The following EYS variants were observed in gnomAD, a reference collection of about 807,000 sequenced individuals.
The protein encoded by EYS is protein eyes shut homolog.
A neutral mutation model predicts 282.1 loss-of-function variants in EYS; 250 were observed. The ratio of observed to expected loss-of-function variants is 0.89; its 90% CI spans 0.80 to 0.98. EYS has a LOEUF of 0.98. EYS is among the 50% of genes least tolerant of loss of function. EYS has a pLI of 0.00. For missense variants in EYS, 4,016 were observed against 3,709.0 expected (o/e 1.08, Z -2.15); for synonymous variants, 1,355 against 1,282.9 (o/e 1.06, Z -1.20).
At chr6:64,461,613 TCCA>T in intron 26 of EYS, among the ~76,000 whole-genome samples, 1 of 152,186 alleles carries the variant, frequency 6.6e-6, no homozygotes, top group Non-Finnish European at 1.5e-5. Flanking sequence ...TTCTTTATAC[TCCA>T]GTGACTGTGG....
At chr6:65,426,711 T>C (rs371594515) in intron 5 of EYS, among the ~76,000 whole-genome samples, 13 of 152,168 alleles carry the variant, frequency 8.5e-5, no homozygotes, top group East Asian at 3.9e-4. Context: ...TTTTACTATA[T>C]ACCCTTCTAC....
At chr6:64,840,216 A>G (rs2812791) in intron 19 of EYS, among the ~76,000 whole-genome samples, 85,193 of 151,898 alleles carry the variant, frequency 0.56, 24,597 homozygotes, top group Non-Finnish European at 0.62. Context: ...CTATAAGATT[A>G]TCATGGTGTT....
chr6:64,709,914 T>A lies in EYS; in HGVS notation c.3444-83669A>T, dbSNP rs147807339. Among the ~76,000 whole-genome samples the A allele has an allele frequency of 1.8e-4, 27 of 152,338 alleles. No homozygotes were observed. In the East Asian group the frequency reaches 5.2e-3, roughly 29 times the overall value. Reference sequence around the variant, plus strand: ...TTTTTTCTGGTGCTCTTCAGCTAAGTCTTGGAATCTACTGTGTGACTTATG... The same window carrying A: ...TTTTTTCTGGTGCTCTTCAGCTAAGACTTGGAATCTACTGTGTGACTTATG... On this transcript the variant is annotated intron_variant, in intron 22 of 42. Coordinates refer to ENST00000503581, the MANE Select transcript of EYS (RefSeq NM_001142800.2).
intron 22 of EYS, among the ~76,000 whole-genome samples, chr6:64,642,896 A>AC (rs1175318194): frequency 2.6e-5 from 4 of 152,184 alleles, no homozygotes; most frequent in Non-Finnish European, 5.9e-5. Flanking sequence ...CGGACAGATG[A>AC]CCTGAGGTCA....
At chr6:65,447,659 C>G (rs12190548) in intron 5 of EYS, among the ~76,000 whole-genome samples, 28,101 of 151,708 alleles carry the variant, frequency 0.19, 3,255 homozygotes, top group Middle Eastern at 0.3. Flanking sequence ...TGAATAAGAA[C>G]TGATTCATTG....
At chr6:64,788,158 T>C (rs1392567452) in intron 22 of EYS, among the ~76,000 whole-genome samples, 1 of 152,216 alleles carries the variant, frequency 6.6e-6, no homozygotes, top group East Asian at 1.9e-4. Context: ...AGGAACTAAA[T>C]ATCAGATTGG....
chr6:64,743,496 A>G (rs1413372062), intron 22 of EYS, among the ~76,000 whole-genome samples: 1 of 152,126 alleles, frequency 6.6e-6, no homozygotes, highest in African/African-American at 2.4e-5. Context: ...GGTAAAGAGC[A>G]TTCTTAACTA....
intron 33 of EYS, among the ~76,000 whole-genome samples, chr6:64,064,355 A>G (rs574633405): frequency 6.6e-6 from 1 of 152,324 alleles, no homozygotes; most frequent in East Asian, 1.9e-4. Context: ...AGAAACAGAA[A>G]AATGAGATGC....
chr6:64,491,159 T>G (rs1776728477), intron 26 of EYS, among the ~76,000 whole-genome samples: 1 of 150,870 alleles, frequency 6.6e-6, no homozygotes, highest in Non-Finnish European at 1.5e-5. Flanking sequence ...TCTATGTAAT[T>G]GTTTGGAGAC....
rs182882262 is a variant in EYS, at chr6:64,972,035, G to T, written c.2259+25547C>A. Among the ~76,000 whole-genome samples the T allele has an allele frequency of 4.6e-5, 7 of 152,162 alleles. 1 individual carries two copies. The highest frequency in any genetic ancestry group is 1.7e-4 in the African/African-American group (7 of 41,536). On this transcript the variant is annotated intron_variant, in intron 14 of 42. Transcript: ENST00000503581. ...GAATAAAGAAAAAACATGGTCAGGG[G>T]GTAAAGCGTTTCTAGCAATGTATCT...
chr6:63,985,017 T>G (rs1019505855), intron 34 of EYS, among the ~76,000 whole-genome samples: 1 of 151,728 alleles, frequency 6.6e-6, no homozygotes, highest in Non-Finnish European at 1.5e-5. Context: ...ATATTGAAGT[T>G]CTAACCCCTA....
chr6:64,972,798 C>T (rs1268055951), intron 14 of EYS, among the ~76,000 whole-genome samples: 4 of 152,024 alleles, frequency 2.6e-5, no homozygotes, highest in African/African-American at 9.7e-5. Flanking sequence ...TTGGTGCCCC[C>T]AACACCCACA....
chr6:64,563,835 A>G (rs1004979271), intron 26 of EYS, among the ~76,000 whole-genome samples: 2 of 152,170 alleles, frequency 1.3e-5, no homozygotes, highest in Non-Finnish European at 2.9e-5. Context: ...GAATAAAAAA[A>G]GGAATAAAAT....
At chr6:65,029,683 A>C (rs993141735) in intron 13 of EYS, among the ~76,000 whole-genome samples, 2 of 152,060 alleles carry the variant, frequency 1.3e-5, no homozygotes, top group Non-Finnish European at 2.9e-5. Flanking sequence ...ACAAGAGGAG[A>C]AGGAGCCAAG....
chr6:65,001,285 G>A (rs902391860), intron 13 of EYS, among the ~76,000 whole-genome samples: 2 of 147,416 alleles, frequency 1.4e-5, no homozygotes, highest in Non-Finnish European at 3.0e-5. Context: ...GATCTTGAGT[G>A]GTGGAGGTGG....
intron 22 of EYS, among the ~76,000 whole-genome samples, chr6:64,641,803 C>T (rs1349860333): frequency 6.6e-6 from 1 of 152,156 alleles, no homozygotes; most frequent in Non-Finnish European, 1.5e-5. Context: ...ACACTGAATT[C>T]TCATAGGAGC....
chr6:64,775,688 T>C (rs1168660455), intron 22 of EYS, among the ~76,000 whole-genome samples: 1 of 152,056 alleles, frequency 6.6e-6, no homozygotes, highest in African/African-American at 2.4e-5. Context: ...GACCACAGTA[T>C]TTTTGAAAGA....
At chr6:64,155,777 A>T (rs1392530338) in intron 31 of EYS, among the ~76,000 whole-genome samples, 2 of 151,980 alleles carry the variant, frequency 1.3e-5, no homozygotes, top group Non-Finnish European at 2.9e-5. Flanking sequence ...TTGGATTTTG[A>T]TTTTTAAAAT....
At chr6:65,379,347 C>A (rs1475576217) in intron 8 of EYS, among the ~76,000 whole-genome samples, 1 of 152,100 alleles carries the variant, frequency 6.6e-6, no homozygotes, top group Non-Finnish European at 1.5e-5. Flanking sequence ...ATCACATAAA[C>A]AGAACCAATG....
Sources: allele counts gnomAD v4.1 joint callset (sites outside exome capture counted in the v4.1 genomes callset), GRCh38; gene constraint gnomAD v4.1.1; transcripts MANE v1.5; gene names NCBI Gene and HGNC (gene_info 2026-07-23, HGNC 2026-07-21).